The following NEK3 variants were observed in gnomAD, a reference collection of about 807,000 sequenced individuals.
The protein encoded by NEK3 is NIMA related kinase 3, also known as serine/threonine-protein kinase Nek3.
NEK3 carries 54 observed loss-of-function variants against 66.0 expected under a neutral mutation model. That is an observed-to-expected ratio of 0.82 (90% CI 0.66 to 1.03). The LOEUF (loss-of-function observed/expected upper bound fraction) is 1.03. Ranked by LOEUF, NEK3 falls within the 50% of genes least tolerant of loss-of-function variation. The pLI is 0.00. For synonymous variants in NEK3, 200 were observed against 206.2 expected (o/e 0.97, Z 0.26); for missense variants, 593 against 603.0 (o/e 0.98, Z 0.17).
intron 4 of NEK3, among the ~76,000 whole-genome samples, chr13:52,153,331 A>G (rs931275773): frequency 6.6e-6 from 1 of 152,118 alleles, no homozygotes; most frequent in Non-Finnish European, 1.5e-5. Context: ...TTATTTACAT[A>G]CTTTCATAAC....
At chr13:52,158,102 C>T (rs1358904472) in intron 1 of NEK3, among the ~76,000 whole-genome samples, 1 of 152,228 alleles carries the variant, frequency 6.6e-6, no homozygotes, top group Non-Finnish European at 1.5e-5. Context: ...GGCTCGAACT[C>T]CCGACCTCAG....
At chr13:52,133,615 TCACACACACACACACA>T (rs3831081) in intron 15 of NEK3, 58 bp downstream of exon 15, 38,881 of 1,309,378 alleles carry the variant, frequency 0.03, 1,305 homozygotes, top group African/African-American at 0.18. Flanking sequence ...CTAATTTAAA[TCACACACACACACACA>T]CACACACACA....
chr13:52,136,002 C>T, intron 13 of NEK3, 114 bp downstream of exon 13: 2 of 1,494,428 alleles, frequency 1.3e-6, no homozygotes, highest in Non-Finnish European at 9.1e-7. Context: ...ATGAGCAATG[C>T]TCTGATGTGT....
intron 8 of NEK3, among the ~76,000 whole-genome samples, chr13:52,146,100 A>C (rs1405054220): frequency 1.3e-5 from 2 of 152,124 alleles, no homozygotes; most frequent in Non-Finnish European, 2.9e-5. Context: ...ATTTTTCCTT[A>C]ATAATTTCTG....
At chr13:52,155,151 G>C (rs1443275268) in intron 2 of NEK3, among the ~76,000 whole-genome samples, 2 of 151,966 alleles carry the variant, frequency 1.3e-5, no homozygotes, top group Non-Finnish European at 1.5e-5. Flanking sequence ...AGATGATTAT[G>C]ATGCTCACTC....
intron 1 of NEK3, among the ~76,000 whole-genome samples, chr13:52,157,650 C>A (rs966008255): frequency 6.6e-6 from 1 of 152,134 alleles, no homozygotes; most frequent in Non-Finnish European, 1.5e-5. Flanking sequence ...AGTTGGAGTC[C>A]TTGACTTCAG....
chr13:52,133,342 T>C, intron 15 of NEK3, 116 bp from the exon 16 acceptor site: 1 of 878,876 alleles, frequency 1.1e-6, no homozygotes, highest in Non-Finnish European at 1.8e-6. Flanking sequence ...TTGAGTTCCA[T>C]AAGGCAACTG....
At chr13:52,141,917 T>TA (rs368362666) in intron 10 of NEK3, among the ~76,000 whole-genome samples, 8,256 of 112,702 alleles carry the variant, frequency 0.073, 291 homozygotes, top group African/African-American at 0.11. Context: ...CTGTCTCTAC[T>TA]AAAAAAAAAA....
intron 8 of NEK3, chr13:52,148,088 T>C: frequency 4.9e-6 from 1 of 205,918 alleles, no homozygotes; most frequent in East Asian, 1.0e-4. Flanking sequence ...TGACAATGAA[T>C]TGTATACTTA....
At chr13:52,140,272 A>T (rs1490999823) in intron 11 of NEK3, among the ~76,000 whole-genome samples, 3 of 151,386 alleles carry the variant, frequency 2.0e-5, no homozygotes, top group African/African-American at 7.3e-5. Flanking sequence ...TGAAAGCAAG[A>T]CAAAATTCTT....
intron 8 of NEK3, 61 bp from the exon 9 acceptor site, chr13:52,144,952 A>G (rs1170459078): frequency 2.8e-6 from 3 of 1,072,218 alleles, no homozygotes; most frequent in African/African-American, 3.2e-5. Flanking sequence ...GCAAGAAACT[A>G]CCAGTTATGT....
chr13:52,152,021 A>AC (rs1320537212), intron 5 of NEK3, among the ~76,000 whole-genome samples: 3 of 152,186 alleles, frequency 2.0e-5, no homozygotes, highest in Non-Finnish European at 4.4e-5. Flanking sequence ...AGCACACTCT[A>AC]CGATGCTCAC....
In NEK3 at chr13:52,135,812, T is replaced by G; in HGVS notation, c.1226A>C (p.Lys409Thr). ...SKNTTRKQWL[K>T]ETPDTLLNIL... ...GTTCAACAAAGTGTCAGGGGTCTCT[T>G]TGAGCCACTGCTTACGAGTAGTATT... The change falls in exon 14 of 16, where the codon AAA becomes ACA. Residue 409 changes from lysine (K) to threonine (T), a missense_variant. Lys to Thr is a moderately conservative substitution (Grantham distance 78, BLOSUM62 -1). Transcript: ENST00000610828. The G allele has an allele frequency of 6.2e-7, 1 of 1,613,750 alleles. No homozygotes were observed. Among genetic ancestry groups the G allele is most frequent in the Non-Finnish European group, 8.5e-7 (1 of 1,179,728 alleles).
In NEK3 at chr13:52,143,944, T is replaced by C; in HGVS notation, c.848A>G (p.Asn283Ser). 1 of 1,505,168 alleles carries C rather than the reference T, an allele frequency of 6.6e-7. No homozygotes were observed. The highest frequency in any genetic ancestry group is 9.0e-7 in the Non-Finnish European group (1 of 1,109,796). The allele number at this position is 1,505,168 out of a possible 1,614,324, so 93.2% of individuals were successfully genotyped here. A position where few individuals can be genotyped will look rare whatever the true frequency, so the allele number is the denominator to read the frequency against. ...YGEEVLEEIK[N>S]SKHNTPRKKT... ...TTTTCTTGGTGTGTTATGCTTCGAA[T>C]TTTTTATTTCTTCTAATACTTCCTC... is the stretch of plus-strand genomic sequence containing the variant. The change falls in exon 10 of 16, where the codon AAT becomes AGT. Residue 283 changes from asparagine to serine, a missense_variant. Physicochemically the swap from Asn to Ser is conservative, Grantham distance 46 (BLOSUM62 1). Coordinates refer to ENST00000610828, the MANE Select transcript of NEK3 (RefSeq NM_002498.3).
chr13:52,133,972 G>T, intron 14 of NEK3, 157 bp from the exon 15 acceptor site: 1 of 681,468 alleles, frequency 1.5e-6, no homozygotes, highest in Non-Finnish European at 2.4e-6. Context: ...CATGATTGTA[G>T]GCATAAAACA....
chr13:52,145,380 T>C (rs1956285679), intron 8 of NEK3, among the ~76,000 whole-genome samples: 1 of 152,218 alleles, frequency 6.6e-6, no homozygotes, highest in Non-Finnish European at 1.5e-5. Flanking sequence ...CACAGCTCAC[T>C]GCATCTTTGA....
chr13:52,148,177 AAAAGAG>A (rs1753448977), intron 8 of NEK3: 1 of 374,358 alleles, frequency 2.7e-6, no homozygotes, highest in African/African-American at 2.1e-5. Context: ...AGAAAAGAGG[AAAAGAG>A]AAAGAAAGAG....
rs745863827 is a variant in NEK3, at chr13:52,156,262, C to A, written c.-57-14G>T. ...GGCTCTCCCAAACTGCATTCAAAAG[C>A]AGAAACATTTGAGAATTAAATGTAC... On this transcript the variant is annotated splice_polypyrimidine_tract_variant and intron_variant, in intron 1 of 15. Transcript: ENST00000610828. 7 of 887,012 alleles carry A rather than the reference C, an allele frequency of 7.9e-6. 1 individual carries two copies. In the South Asian group the frequency reaches 1.1e-4, roughly 13 times the overall value. 54.9% of individuals were successfully genotyped at this position (887,012 alleles called of 1,614,324 possible).
chr13:52,136,372 GATCT>G, intron 12 of NEK3, 113 bp from the exon 13 acceptor site: 2 of 1,055,062 alleles, frequency 1.9e-6, no homozygotes, highest in Non-Finnish European at 2.7e-6. Context: ...TTCATATTCA[GATCT>G]ATGTTTGAAA....
Sources: allele counts gnomAD v4.1 joint callset (sites outside exome capture counted in the v4.1 genomes callset), GRCh38; gene constraint gnomAD v4.1.1; transcripts MANE v1.5; gene names NCBI Gene and HGNC (gene_info 2026-07-23, HGNC 2026-07-21).